FAM161A: variants seen among roughly 807,000 people sequenced by gnomAD.
FAM161A encodes FAM161 centrosomal protein A.
A neutral mutation model predicts 70.9 loss-of-function variants in FAM161A; 57 were observed. The ratio of observed to expected loss-of-function variants is 0.80; its 90% confidence interval spans 0.65 to 1.00. The LOEUF (loss-of-function observed/expected upper bound fraction) is 1.00, where lower values mean the gene tolerates loss of function less well. Among genes scored for constraint, FAM161A ranks in the 50% least tolerant of loss-of-function variants. The pLI, the probability that FAM161A is intolerant of heterozygous loss-of-function variation, is 0.00. For missense variants in FAM161A, 880 were observed against 836.0 expected, an observed-to-expected ratio of 1.05 and a Z score of -0.65; for synonymous variants, 299 against 295.7, an observed-to-expected ratio of 1.01 and a Z score of -0.12.
chr2:61,840,668 T>A (rs891174896), intron 2 of FAM161A, 87 bp from the exon 3 acceptor site: 2 of 1,053,016 alleles, frequency 1.9e-6, no homozygotes, highest in African/African-American at 3.2e-5. Flanking sequence ...TTTTTTTTTC[T>A]GAGACAGAGT....
rs376613731 is a variant in FAM161A, at chr2:61,840,203, T to C, written c.801A>G (p.Lys267=). The C allele has an allele frequency of 6.2e-7, 1 of 1,614,014 alleles. No individual in the cohort carries two copies. Among genetic ancestry groups the C allele is most frequent in the Non-Finnish European group, 8.5e-7 (1 of 1,180,004 alleles). ...KSKSDIEMVH[K]ALKKQEEDPE... is the part of the protein sequence containing the mutation. ...GATCCTCTTCTTGTTTTTTGAGCGC[T>C]TTATGTACCATTTCGATATCTGATT... Residue 267 remains lysine, a synonymous_variant, in exon 3 of 7, where the codon AAA becomes AAG. Transcript: ENST00000404929.
Position 61,826,199 on chromosome 2 carries a change from C to G in FAM161A, c.*256G>C, listed in dbSNP as rs754753344. ...ATCAGTTTGTGACAGCTGTGGTTCTCACTTTTTAAAAATACAAAATCATAG... is the reference window on the plus strand; with the variant it reads ...ATCAGTTTGTGACAGCTGTGGTTCTGACTTTTTAAAAATACAAAATCATAG... On this transcript the variant is annotated 3_prime_UTR_variant, in exon 7 of 7. Transcript: ENST00000404929. 1 of 613,156 alleles carries G rather than the reference C, an allele frequency of 1.6e-6. No individual in the cohort carries two copies. The highest frequency in any genetic ancestry group is 2.1e-5 in the Admixed American group (1 of 47,120). The allele number at this position is 613,156 out of a possible 1,614,324, so 38.0% of individuals were successfully genotyped here.
chr2:61,820,430 A>C, downstream of FAM161A: 8 of 757,026 alleles, frequency 1.1e-5, no homozygotes, highest in Admixed American at 1.7e-5. Flanking sequence ...AGGCCACACA[A>C]GGTGGATGGG....
intron 3 of FAM161A, among the ~76,000 whole-genome samples, 187 bp from the exon 4 acceptor site, chr2:61,838,892 A>ATTTATTTTTTTTT (rs747578151): frequency 6.1e-5 from 8 of 130,338 alleles, no homozygotes; most frequent in Middle Eastern, 3.6e-3. Flanking sequence ...TTATTTATTT[A>ATTTATTTTTTTTT]TTTTTTTTGA....
chr2:61,806,778 C>T, the FAM161A span, among the ~76,000 whole-genome samples: 10 of 142,576 alleles, frequency 7.0e-5, no homozygotes, highest in East Asian at 2.0e-4. Context: ...CTGCAAGCTC[C>T]GCCTCCGGGG....
the FAM161A span, among the ~76,000 whole-genome samples, chr2:61,806,047 A>G: frequency 0.26 from 39,967 of 152,022 alleles, 5,639 homozygotes; most frequent in African/African-American, 0.36. Context: ...GCAAAACTCC[A>G]TCACTACTAA....
chr2:61,847,816 T>C (rs1222129134), intron 1 of FAM161A, among the ~76,000 whole-genome samples: 1 of 152,070 alleles, frequency 6.6e-6, no homozygotes, highest in Non-Finnish European at 1.5e-5. Context: ...TTGTCTGCTT[T>C]GTTTAATGTT....
chr2:61,804,834 G>GA, the FAM161A span, among the ~76,000 whole-genome samples: 2 of 141,326 alleles, frequency 1.4e-5, no homozygotes, highest in South Asian at 5.1e-4. Flanking sequence ...GAGAAAGAAA[G>GA]AAGGAAGCAA....
At chr2:61,849,969 T>A (rs1357518420) in intron 1 of FAM161A, among the ~76,000 whole-genome samples, 3 of 60,268 alleles carry the variant, frequency 5.0e-5, no homozygotes, top group African/African-American at 1.3e-4. Flanking sequence ...TACCACCAGG[T>A]GGGGAGGGAG....
At chr2:61,814,629 C>T in the FAM161A span, among the ~76,000 whole-genome samples, 3 of 152,092 alleles carry the variant, frequency 2.0e-5, no homozygotes, top group South Asian at 2.1e-4. Context: ...GTGAGAGGAT[C>T]GCTTGAGCCT....
downstream of FAM161A, among the ~76,000 whole-genome samples, chr2:61,823,221 T>TA (rs1008884256): frequency 4.0e-5 from 6 of 150,818 alleles, no homozygotes; most frequent in Non-Finnish European, 7.4e-5. Context: ...TAATCCCAGC[T>TA]ACTCGGGAGG....
At chr2:61,804,776 AAG>A in the FAM161A span, among the ~76,000 whole-genome samples, 530 of 143,434 alleles carry the variant, frequency 3.7e-3, 6 homozygotes, top group African/African-American at 0.013. Flanking sequence ...AAGAGAAAGA[AAG>A]AAAGAAAGAA....
chr2:61,809,605 G>C, the FAM161A span, among the ~76,000 whole-genome samples: 2 of 152,162 alleles, frequency 1.3e-5, 1 homozygote, highest in South Asian at 4.1e-4. Flanking sequence ...AGGGAATTTG[G>C]GGGTTGGGGG....
At position 61,840,027 on chromosome 2, in the gene FAM161A, T is replaced by G. The variant is rs745318331; in HGVS notation, c.977A>C (p.Lys326Thr). Residue 326 changes from lysine (K) to threonine (T), a missense_variant, in exon 3 of 7, where the codon AAA (lysine) becomes ACA (threonine). Lys to Thr is a moderately conservative substitution (Grantham distance 78). Transcript: ENST00000404929. ...CTTCTGTTCCTCCCTTGCTATAAAT[T>G]TAAATGGCTTTTGTGAGGCCAAAAG... ...EALLASQKPFKFIAREEQKRA... is the reference protein window; with the variant it reads ...EALLASQKPFTFIAREEQKRA... The G allele has an allele frequency of 2.7e-5, 44 of 1,614,094 alleles. No homozygotes were observed. The highest frequency in any genetic ancestry group is 3.3e-5 in the Non-Finnish European group (39 of 1,180,050).
chr2:61,801,664 G>A, the FAM161A span, among the ~76,000 whole-genome samples: 5 of 151,294 alleles, frequency 3.3e-5, no homozygotes, highest in African/African-American at 7.3e-5. Context: ...GTGTTCAAGC[G>A]ATTGTCCTGC....
intron 3 of FAM161A, among the ~76,000 whole-genome samples, chr2:61,839,160 G>A (rs1672898008): frequency 6.6e-6 from 1 of 152,058 alleles, no homozygotes; most frequent in Non-Finnish European, 1.5e-5. Context: ...TGGGATTACA[G>A]GTGTAAGCCA....
chr2:61,830,787 G>A (rs921934266), intron 5 of FAM161A, among the ~76,000 whole-genome samples: 6 of 151,650 alleles, frequency 4.0e-5, no homozygotes, highest in African/African-American at 1.5e-4. Context: ...GGGATTACAG[G>A]GTGAGTCACT....
chr2:61,815,343 G>A, the FAM161A span, among the ~76,000 whole-genome samples: 24 of 152,118 alleles, frequency 1.6e-4, no homozygotes, highest in Admixed American at 3.3e-4. Flanking sequence ...GTATGATGGC[G>A]TGCTTGGAGA....
At chr2:61,819,470 A>G in the FAM161A span, among the ~76,000 whole-genome samples, 1 of 152,184 alleles carries the variant, frequency 6.6e-6, no homozygotes, top group African/African-American at 2.4e-5. Flanking sequence ...CTCAAAACAA[A>G]AAAGCCAATA....
Sources: gnomAD v4.1 joint callset for allele counts (sites outside exome capture counted in the v4.1 genomes callset) on GRCh38, gnomAD v4.1.1 for gene constraint, MANE v1.5 for transcripts, NCBI Gene and HGNC (gene_info 2026-07-23, HGNC 2026-07-21) for gene names.